Variants in THSD4 observed in about 807,000 individuals in gnomAD.
The protein encoded by THSD4 is thrombospondin type-1 domain-containing protein 4.
THSD4 carries 69 observed loss-of-function variants against 119.0 expected under a neutral mutation model. The observed-to-expected ratio is 0.58, with a 90% CI of 0.48 to 0.71. The LOEUF (loss-of-function observed/expected upper bound fraction) is 0.71, where lower values mean the gene tolerates loss of function less well. Among genes scored for constraint, THSD4 ranks in the 30% least tolerant of loss-of-function variants. THSD4 has a pLI of 0.00. For missense variants in THSD4, 1,393 were observed against 1,391.1 expected (o/e 1.00, Z -0.02); for synonymous variants, 524 against 540.4 (o/e 0.97, Z 0.42).
chr15:71,269,470 A>G (rs2044504407), intron 6 of THSD4, among the ~76,000 whole-genome samples: 1 of 152,220 alleles, frequency 6.6e-6, no homozygotes, highest in African/African-American at 2.4e-5. Context: ...AGAGCTATTT[A>G]TGACAAACCC....
rs182115866 is a variant in THSD4, at chr15:71,479,165, C to T, written c.1152+67342C>T. 5.0e-3 allele frequency among the ~76,000 whole-genome samples: 565 copies of T among 112,472 alleles called. 5 individuals carry two copies. The highest frequency in any genetic ancestry group is 7.9e-3 in the Non-Finnish European group (445 of 56,316). 73.8% of individuals were successfully genotyped at this position (112,472 alleles called of 152,430 possible). A position where few individuals can be genotyped will look rare whatever the true frequency, so the allele number is the denominator to read the frequency against. The stretch of plus-strand genomic sequence containing the variant: ...CTTGTTCACTGGTGGCTTTTCTTTA[C>T]TTTCTTTCTTCTGCCTTTTTTTTTT... On this transcript the variant is annotated intron_variant, in intron 7 of 17. Transcript: ENST00000261862.
intron 6 of THSD4, among the ~76,000 whole-genome samples, chr15:71,280,603 CCTCCCTCCCTCT>C (rs933854492): frequency 5.3e-5 from 8 of 150,242 alleles, no homozygotes; most frequent in African/African-American, 2.0e-4. Flanking sequence ...TCATTCCCTC[CCTCCCTCCCTCT>C]CTCTCTCATT....
At chr15:71,395,566 A>G (rs2046438166) in intron 6 of THSD4, among the ~76,000 whole-genome samples, 1 of 152,078 alleles carries the variant, frequency 6.6e-6, no homozygotes. Context: ...ACATAGTGAT[A>G]CCCCACCTCT....
chr15:71,395,946 CACACACAAACACAG>C (rs1024337738), intron 6 of THSD4, among the ~76,000 whole-genome samples: 65 of 150,014 alleles, frequency 4.3e-4, no homozygotes, highest in South Asian at 2.8e-3. Flanking sequence ...CACACACACA[CACACACAAACACAG>C]ACTTTGTTGA....
chr15:71,733,951 A>AGTG (rs2053032031), intron 10 of THSD4: 1 of 140,194 alleles, frequency 7.1e-6, no homozygotes. Context: ...GAAAGCCCTA[A>AGTG]TTGTTGTTGT....
chr15:71,592,052 C>T (rs2049818173), intron 7 of THSD4, among the ~76,000 whole-genome samples: 1 of 152,156 alleles, frequency 6.6e-6, no homozygotes, highest in African/African-American at 2.4e-5. Flanking sequence ...CTTGTTGGCC[C>T]AAGGTCACTG....
At chr15:71,129,553 C>A (rs2040484736) in intron 1 of THSD4, among the ~76,000 whole-genome samples, 1 of 152,296 alleles carries the variant, frequency 6.6e-6, no homozygotes, top group Non-Finnish European at 1.5e-5. Context: ...GACCCTTGAC[C>A]TCCAAGGATG....
chr15:71,755,511 A>G (rs1307221337), intron 14 of THSD4, among the ~76,000 whole-genome samples: 1 of 152,118 alleles, frequency 6.6e-6, no homozygotes, highest in Non-Finnish European at 1.5e-5. Context: ...ACCCTTAGAA[A>G]GGGCTTTGGT....
intron 7 of THSD4, among the ~76,000 whole-genome samples, chr15:71,442,666 A>ATATATG (rs2047124082): frequency 3.2e-5 from 1 of 30,792 alleles, no homozygotes; most frequent in African/African-American, 1.3e-4. Flanking sequence ...GTGTGTATAT[A>ATATATG]TATATATATA....
At chr15:71,459,675 TA>T (rs910994768) in intron 7 of THSD4, among the ~76,000 whole-genome samples, 40 of 152,292 alleles carry the variant, frequency 2.6e-4, no homozygotes, top group African/African-American at 9.1e-4. Context: ...AGAACCCTCA[TA>T]TTAAAATATA....
intron 7 of THSD4, among the ~76,000 whole-genome samples, chr15:71,589,814 C>T (rs1376416311): frequency 7.2e-6 from 1 of 138,830 alleles, no homozygotes; most frequent in Non-Finnish European, 1.6e-5. Flanking sequence ...TCTCCATCCC[C>T]ACGAGAATAG....
chr15:71,780,629 T>C lies in THSD4; in HGVS notation c.*3255T>C, dbSNP rs949340113. ...CTCAGTGCCCGCTGCCTGCAAGCTG[T>C]TGGGGACCCCAGGGAGGGCAAGGCA... On this transcript the variant is annotated 3_prime_UTR_variant, in exon 18 of 18. Transcript: ENST00000261862. The C allele has an allele frequency of 1.1e-5, 5 of 456,400 alleles. No individual in the cohort carries two copies. Among genetic ancestry groups the C allele is most frequent in the African/African-American group, 8.0e-5 (4 of 50,052 alleles). The allele number at this position is 456,400 out of a possible 1,614,324, so 28.3% of individuals were successfully genotyped here.
intron 4 of THSD4, among the ~76,000 whole-genome samples, chr15:71,242,168 T>C (rs926475944): frequency 6.6e-6 from 1 of 151,980 alleles, no homozygotes; most frequent in East Asian, 1.9e-4. Context: ...TGAGTATGAA[T>C]AGTGAAGGAA....
At chr15:71,762,178 C>CAGAGAG (rs75610353) in intron 15 of THSD4, among the ~76,000 whole-genome samples, 7 of 147,606 alleles carry the variant, frequency 4.7e-5, no homozygotes, top group South Asian at 4.4e-4. Context: ...CACACACACA[C>CAGAGAG]AGAGATAGAG....
chr15:71,757,973 G>A lies in THSD4; in HGVS notation c.2487G>A (p.Leu829=), dbSNP rs747581126. Residue 829 remains leucine, a synonymous_variant, in exon 15 of 18, where the codon CTG becomes CTA. Transcript: ENST00000261862. ...GCATGACCAACCATGTCAGCAGCCT[G>A]CCCCTGGAGGGCTGTGGGAACAACC... ...VVCMTNHVSS[L]PLEGCGNNRP... is the part of the protein sequence containing the mutation. 9 of 1,614,134 alleles carry A rather than the reference G, an allele frequency of 5.6e-6. No individual in the cohort carries two copies. The highest frequency in any genetic ancestry group is 5.1e-6 in the Non-Finnish European group (6 of 1,180,038).
intron 3 of THSD4, among the ~76,000 whole-genome samples, chr15:71,201,791 A>G (rs1168911279): frequency 6.6e-6 from 1 of 152,142 alleles, no homozygotes; most frequent in Non-Finnish European, 1.5e-5. Context: ...GGGGAAGCCT[A>G]GGAGGGCTGC....
At chr15:71,584,257 A>ATTTTT (rs2049616963) in intron 7 of THSD4, among the ~76,000 whole-genome samples, 1 of 58,450 alleles carries the variant, frequency 1.7e-5, no homozygotes, top group South Asian at 5.4e-4. Context: ...TTTTTTTTTC[A>ATTTTT]CTTTCTTTTT....
In THSD4 at chr15:71,279,400, G is replaced by A. The variant is rs553650708; in HGVS notation, c.1015+22685G>A. On this transcript the variant is annotated intron_variant, in intron 6 of 17. Coordinates refer to ENST00000261862, the MANE Select transcript of THSD4 (RefSeq NM_024817.3). The stretch of plus-strand genomic sequence containing the variant: ...CCCAGTTGCCATGTTTGTTTAAGCC[G>A]GCTTTGGAGGTTGTATAAATAGTGT... Among the ~76,000 whole-genome samples, 9 of 152,302 alleles carry A rather than the reference G, an allele frequency of 5.9e-5. No homozygotes were observed. In the South Asian group the frequency reaches 1.4e-3, roughly 25 times the overall value.
chr15:71,453,227 C>A (rs2047290746), intron 7 of THSD4, among the ~76,000 whole-genome samples: 1 of 152,180 alleles, frequency 6.6e-6, no homozygotes, highest in Non-Finnish European at 1.5e-5. Flanking sequence ...ACCACCCTTT[C>A]CCCTGTGGCA....
Sources: allele counts gnomAD v4.1 joint callset (sites outside exome capture counted in the v4.1 genomes callset), GRCh38; gene constraint gnomAD v4.1.1; transcripts MANE v1.5; gene names NCBI Gene and HGNC (gene_info 2026-07-23, HGNC 2026-07-21).